The following TUSC3 variants were observed in gnomAD, a reference collection of about 807,000 sequenced individuals.
The protein encoded by TUSC3 is tumor suppressor candidate 3.
TUSC3 carries 45 observed loss-of-function variants against 44.8 expected under a neutral mutation model. The observed-to-expected ratio is 1.00, with a 90% CI of 0.79 to 1.29. TUSC3 has a LOEUF of 1.29. Among genes scored for constraint, TUSC3 ranks in the 50% most tolerant of loss-of-function variants. The pLI is 0.00. For synonymous variants in TUSC3, 212 were observed against 152.9 expected, an observed-to-expected ratio of 1.39 and a Z score of -2.85; for missense variants, 519 against 437.9, an observed-to-expected ratio of 1.19 and a Z score of -1.65.
intron 1 of TUSC3, among the ~76,000 whole-genome samples, chr8:15,611,434 G>T (rs956988109): frequency 6.6e-6 from 1 of 152,066 alleles, no homozygotes; most frequent in Non-Finnish European, 1.5e-5. Context: ...TGATCTGCCC[G>T]CACCGGCCTC....
chr8:15,576,525 T>C lies in TUSC3; in HGVS notation c.138+35957T>C, dbSNP rs184649731. 4.3e-3 allele frequency among the ~76,000 whole-genome samples: 596 copies of C among 140,120 alleles called. 7 individuals are homozygous for C. Among genetic ancestry groups the C allele is most frequent in the African/African-American group, 0.015 (556 of 37,282 alleles). 91.9% of individuals were successfully genotyped at this position (140,120 alleles called of 152,430 possible). A position where few individuals can be genotyped will look rare whatever the true frequency, so the allele number is the denominator to read the frequency against. On this transcript the variant is annotated intron_variant, in intron 1 of 10. Coordinates refer to ENST00000503731, the MANE Select transcript of TUSC3 (RefSeq NM_006765.4). Reference sequence around the variant, plus strand: ...CCCTTCCTGTGTCCATGTGATCTCATTGTTCAGTCCCCACCTATGAGTGAG... The same window carrying C: ...CCCTTCCTGTGTCCATGTGATCTCACTGTTCAGTCCCCACCTATGAGTGAG...
the TUSC3 span, among the ~76,000 whole-genome samples, chr8:15,809,877 C>A: frequency 6.6e-6 from 1 of 152,152 alleles, no homozygotes; most frequent in African/African-American, 2.4e-5. Context: ...GTCCTACATC[C>A]CTCCTATTTT....
At chr8:15,800,911 T>A in the TUSC3 span, among the ~76,000 whole-genome samples, 3 of 152,196 alleles carry the variant, frequency 2.0e-5, no homozygotes, top group African/African-American at 7.2e-5. Context: ...TATGGCTAGA[T>A]GCTTTTCTGG....
chr8:15,812,649 G>T, the TUSC3 span, among the ~76,000 whole-genome samples: 1 of 152,124 alleles, frequency 6.6e-6, no homozygotes, highest in Non-Finnish European at 1.5e-5. Context: ...GAGGACAGTG[G>T]GTGTCTGGAA....
chr8:15,609,702 T>C (rs1276558802), intron 1 of TUSC3, among the ~76,000 whole-genome samples: 3 of 152,072 alleles, frequency 2.0e-5, no homozygotes, highest in African/African-American at 7.2e-5. Context: ...AGTAGGGTAT[T>C]GTACTTAAGC....
chr8:15,708,136 G>C (rs1809696927), intron 6 of TUSC3, among the ~76,000 whole-genome samples: 1 of 151,904 alleles, frequency 6.6e-6, no homozygotes, highest in Non-Finnish European at 1.5e-5. Context: ...AATTTTTGGA[G>C]GAGGACATCA....
intron 2 of TUSC3, among the ~76,000 whole-genome samples, chr8:15,640,757 C>G (rs911405097): frequency 4.6e-5 from 7 of 152,200 alleles, no homozygotes; most frequent in African/African-American, 7.2e-5. Context: ...AAATTCTCTC[C>G]TGGATCCAAG....
intron 3 of TUSC3, among the ~76,000 whole-genome samples, chr8:15,657,957 A>T (rs954848494): frequency 5.3e-5 from 8 of 152,200 alleles, no homozygotes; most frequent in African/African-American, 1.9e-4. Flanking sequence ...ATGAGGGGAC[A>T]GTGTGAGAGA....
rs188851515 is a variant in TUSC3 at position 15,542,195 on chromosome 8, C to T, written c.138+1627C>T. On this transcript the variant is annotated intron_variant, in intron 1 of 10. Coordinates refer to ENST00000503731, the MANE Select transcript of TUSC3 (RefSeq NM_006765.4). ...GGACAACTCAAAGGGGGAGGGGCAT[C>T]CAGGTCATAGGTAGATTTAAAAATT... 4.9e-3 allele frequency among the ~76,000 whole-genome samples: 743 copies of T among 151,984 alleles called. 8 individuals are homozygous for T. Among genetic ancestry groups the T allele is most frequent in the African/African-American group, 0.017 (716 of 41,454 alleles).
chr8:15,848,512 A>G, the TUSC3 span, among the ~76,000 whole-genome samples: 99,107 of 152,008 alleles, frequency 0.65, 33,000 homozygotes, highest in Non-Finnish European at 0.71. Flanking sequence ...AACAGACCCC[A>G]TCTATCCCAG....
chr8:15,756,347 T>C (rs2129222514), intron 9 of TUSC3, among the ~76,000 whole-genome samples: 1 of 152,284 alleles, frequency 6.6e-6, no homozygotes, highest in South Asian at 2.1e-4. Flanking sequence ...CTCAGAATTT[T>C]ATGGGGATAA....
At chr8:15,568,828 A>G (rs1802766601) in intron 1 of TUSC3, among the ~76,000 whole-genome samples, 3 of 151,914 alleles carry the variant, frequency 2.0e-5, no homozygotes, top group Non-Finnish European at 4.4e-5. Flanking sequence ...TTTGTCATGT[A>G]TTTTCACACT....
chr8:15,603,235 A>G (rs1804366737), intron 1 of TUSC3, among the ~76,000 whole-genome samples: 1 of 151,706 alleles, frequency 6.6e-6, no homozygotes, highest in South Asian at 2.1e-4. Flanking sequence ...TTATCACTGG[A>G]ACCTGAGTTG....
At chr8:15,693,397 A>T (rs1809008479) in intron 6 of TUSC3, among the ~76,000 whole-genome samples, 2 of 143,042 alleles carry the variant, frequency 1.4e-5, no homozygotes, top group South Asian at 4.5e-4. Flanking sequence ...TTATTTGCTT[A>T]TGAAGCTGAA....
At chr8:15,592,407 G>A (rs1191918310) in intron 1 of TUSC3, among the ~76,000 whole-genome samples, 1 of 152,144 alleles carries the variant, frequency 6.6e-6, no homozygotes, top group African/African-American at 2.4e-5. Flanking sequence ...GTTGGAGGTG[G>A]CACCTGGTGG....
chr8:15,434,538 T>C (rs2129117367), intron 1 of TUSC3, among the ~76,000 whole-genome samples: 2 of 151,794 alleles, frequency 1.3e-5, no homozygotes, highest in Non-Finnish European at 1.5e-5. Context: ...TCCTTTTTTT[T>C]TTTTTTTTAT....
chr8:15,722,930 C>A (rs1338109343), intron 6 of TUSC3, among the ~76,000 whole-genome samples: 1 of 152,046 alleles, frequency 6.6e-6, no homozygotes, highest in Non-Finnish European at 1.5e-5. Flanking sequence ...CATACAGCCT[C>A]CCACAAAATG....
rs961158000 is a variant in TUSC3, at chr8:15,541,927, C to T, written c.138+1359C>T. Among the ~76,000 whole-genome samples the T allele has an allele frequency of 4.0e-5, 6 of 151,284 alleles. No homozygotes were observed. In the East Asian group the frequency reaches 7.7e-4, roughly 20 times the overall value. On this transcript the variant is annotated intron_variant, in intron 1 of 10. Transcript: ENST00000503731. ...AATTGTGATGTTTTATCTCCTAGGA[C>T]GATCCCTAGGACCACGCCAATTTTC...
intron 6 of TUSC3, among the ~76,000 whole-genome samples, chr8:15,704,558 G>A (rs1042102422): frequency 6.6e-6 from 1 of 152,022 alleles, no homozygotes; most frequent in Non-Finnish European, 1.5e-5. Context: ...CTTTGTTCTC[G>A]TTCGGTTTAT....
Sources: gnomAD v4.1 joint callset for allele counts (sites outside exome capture counted in the v4.1 genomes callset) on GRCh38, gnomAD v4.1.1 for gene constraint, MANE v1.5 for transcripts, NCBI Gene and HGNC (gene_info 2026-07-23, HGNC 2026-07-21) for gene names.